CUL1: variants seen among roughly 807,000 people sequenced by gnomAD.
The protein encoded by CUL1 is cullin 1.
In CUL1, 24 loss-of-function variants were observed where a neutral mutation model predicts 118.0. That is an observed-to-expected ratio of 0.20 (90% CI 0.15 to 0.29). The LOEUF (loss-of-function observed/expected upper bound fraction) is 0.29. Ranked by LOEUF, CUL1 falls within the 10% of genes least tolerant of loss-of-function variation. CUL1 has a pLI of 1.00. For missense variants in CUL1, 361 were observed against 933.8 expected, an observed-to-expected ratio of 0.39 and a Z score of 7.99; for synonymous variants, 332 against 340.4, an observed-to-expected ratio of 0.98 and a Z score of 0.27.
At chr7:148,743,683 C>T (rs371328840) in intron 2 of CUL1, among the ~76,000 whole-genome samples, 1 of 148,674 alleles carries the variant, frequency 6.7e-6, no homozygotes, top group East Asian at 2.0e-4. Flanking sequence ...GCGGGCAGAT[C>T]GCCGGAGGCC....
At chr7:148,799,995 T>A (rs767835754) in intron 21 of CUL1, among the ~76,000 whole-genome samples, 3 of 152,222 alleles carry the variant, frequency 2.0e-5, no homozygotes, top group Non-Finnish European at 2.9e-5. Context: ...CCTAAACCAC[T>A]TGGGTAAGTC....
intron 1 of CUL1, among the ~76,000 whole-genome samples, chr7:148,706,683 C>T (rs1037011516): frequency 0.018 from 168 of 9,410 alleles, no homozygotes; most frequent in African/African-American, 0.059. Flanking sequence ...GGGGTGGGGG[C>T]GGCGGGGGGC....
At position 148,790,364 on chromosome 7, in the gene CUL1, C is replaced by A. The variant is rs765252536; in HGVS notation, c.1729C>A (p.Arg577=). 2 of 1,613,848 alleles carry A rather than the reference C, an allele frequency of 1.2e-6. No individual in the cohort carries two copies. Residue 577 remains arginine (R), a synonymous_variant, in exon 16 of 22, where the codon CGA becomes AGA. Transcript: ENST00000325222. ...TAFYASRHSG[R]KLTWLYQLSK... ...TTTCTACGCCAGCCGCCACAGTGGC[C>A]GAAAATTGACGTGGTTATATCAGTT... is the stretch of plus-strand genomic sequence containing the variant.
At chr7:148,776,426 C>T (rs995815034) in intron 9 of CUL1, among the ~76,000 whole-genome samples, 23 of 146,834 alleles carry the variant, frequency 1.6e-4, no homozygotes, top group African/African-American at 5.8e-4. Flanking sequence ...AAGCGATTCT[C>T]CTGCCTCAGC....
chr7:148,799,456 G>A, intron 21 of CUL1, 68 bp downstream of exon 21: 1 of 1,067,148 alleles, frequency 9.4e-7, no homozygotes, highest in Non-Finnish European at 1.4e-6. Flanking sequence ...AGCAAAAAGT[G>A]GATTGATTGC....
chr7:148,797,459 TGAATCTGTAAATC>T (rs1484945974), intron 17 of CUL1, among the ~76,000 whole-genome samples: 1 of 151,476 alleles, frequency 6.6e-6, no homozygotes, highest in Non-Finnish European at 1.5e-5. Flanking sequence ...TCAGGGCTGC[TGAATCTGTAAATC>T]CAGTGCAGTA....
chr7:148,735,828 C>T (rs1205835319), intron 2 of CUL1, among the ~76,000 whole-genome samples: 4 of 152,058 alleles, frequency 2.6e-5, no homozygotes, highest in Admixed American at 6.6e-5. Flanking sequence ...TACTGGTTCA[C>T]AGAAGAAATG....
chr7:148,770,510 C>G (rs574721813), intron 9 of CUL1, among the ~76,000 whole-genome samples: 27 of 152,326 alleles, frequency 1.8e-4, no homozygotes, highest in African/African-American at 6.5e-4. Flanking sequence ...TTCGGGAAAG[C>G]AAATACTTTT....
chr7:148,711,082 G>A (rs571351471), intron 1 of CUL1, among the ~76,000 whole-genome samples: 2 of 152,184 alleles, frequency 1.3e-5, no homozygotes, highest in South Asian at 4.2e-4. Flanking sequence ...TGTTGTCATC[G>A]AGTTACAGAT....
At position 148,787,840 on chromosome 7, in the gene CUL1, G is replaced by A. The variant is rs557622856; in HGVS notation, c.1480-717G>A. 2.8e-4 allele frequency among the ~76,000 whole-genome samples: 43 copies of A among 152,278 alleles called. No homozygotes were observed. Among genetic ancestry groups the A allele is most frequent in the African/African-American group, 6.5e-4 (27 of 41,568 alleles). ...CACCTCCTTTGCGTGCCTGTGTGTC[G>A]GCGCTGTCGAGTGCTCTTATCTGAC... On this transcript the variant is annotated intron_variant, in intron 13 of 21. Coordinates refer to ENST00000325222, the MANE Select transcript of CUL1 (RefSeq NM_003592.3). The surrounding 1 kb of genome is among the most constrained non-coding windows in gnomAD (Gnocchi z 5.5).
At chr7:148,708,451 C>T (rs1470562569) in intron 1 of CUL1, among the ~76,000 whole-genome samples, 1 of 152,252 alleles carries the variant, frequency 6.6e-6, no homozygotes, top group East Asian at 1.9e-4. Context: ...TCCTCTTTGG[C>T]CCCGCTGTCA....
chr7:148,718,247 A>G (rs1798279546), intron 1 of CUL1, among the ~76,000 whole-genome samples: 7 of 152,224 alleles, frequency 4.6e-5, no homozygotes, highest in Admixed American at 4.6e-4. Context: ...CATGCTATAA[A>G]AGTCACTCAT....
intron 1 of CUL1, among the ~76,000 whole-genome samples, chr7:148,701,535 G>T (rs1433202121): frequency 6.6e-6 from 1 of 152,106 alleles, no homozygotes; most frequent in East Asian, 1.9e-4. Context: ...TTGGAAACAC[G>T]ATCAGGTTTT....
chr7:148,760,973 C>A (rs1341833961), intron 7 of CUL1, among the ~76,000 whole-genome samples: 2 of 152,206 alleles, frequency 1.3e-5, no homozygotes, highest in South Asian at 4.1e-4. Context: ...CCCGCTTCAG[C>A]CTCCAGAAGT....
chr7:148,768,527 G>T (rs922166450), intron 9 of CUL1, among the ~76,000 whole-genome samples: 1 of 151,860 alleles, frequency 6.6e-6, no homozygotes, highest in African/African-American at 2.4e-5. Flanking sequence ...TGGGATTACA[G>T]CCGCTCGCCA....
At chr7:148,727,920 G>T (rs1415929299) in intron 1 of CUL1, among the ~76,000 whole-genome samples, 1 of 152,208 alleles carries the variant, frequency 6.6e-6, no homozygotes, top group East Asian at 1.9e-4. Context: ...TGCTCTTAGG[G>T]TGACAGCCTA....
intron 7 of CUL1, among the ~76,000 whole-genome samples, chr7:148,765,580 A>G (rs1273329125): frequency 6.6e-6 from 1 of 152,198 alleles, no homozygotes; most frequent in Non-Finnish European, 1.5e-5. Context: ...GCAGTGAGCT[A>G]TGATTGTGCC....
At chr7:148,763,429 A>G (rs1267191372) in intron 7 of CUL1, among the ~76,000 whole-genome samples, 1 of 152,214 alleles carries the variant, frequency 6.6e-6, no homozygotes, top group Non-Finnish European at 1.5e-5. Flanking sequence ...TGACCATGTA[A>G]TTCTGCTCTC....
At chr7:148,732,768 T>C (rs1165527288) in intron 2 of CUL1, among the ~76,000 whole-genome samples, 1 of 152,228 alleles carries the variant, frequency 6.6e-6, no homozygotes, top group Non-Finnish European at 1.5e-5. Context: ...CTACAAATAA[T>C]TAAATTCGTA....
Sources: allele counts gnomAD v4.1 joint callset (sites outside exome capture counted in the v4.1 genomes callset), GRCh38; gene constraint gnomAD v4.1.1; non-coding constraint Gnocchi (gnomAD v3.1); transcripts MANE v1.5; gene names NCBI Gene and HGNC (gene_info 2026-07-23, HGNC 2026-07-21).